ANK2: variants seen among roughly 807,000 people sequenced by gnomAD.
ANK2 encodes the protein ankyrin 2.
In ANK2, 83 loss-of-function variants were observed where a neutral mutation model predicts 360.5. The observed-to-expected ratio is 0.23, with a 90% CI of 0.19 to 0.28. ANK2 has a LOEUF of 0.28. ANK2 is among the 10% of genes least tolerant of loss of function. The pLI, the probability that ANK2 is intolerant of heterozygous loss-of-function variation, is 1.00. For missense variants in ANK2, 4,201 were observed against 4,795.7 expected (o/e 0.88, Z 3.66); for synonymous variants, 1,740 against 1,759.5 (o/e 0.99, Z 0.28).
intron 1 of ANK2, chr4:112,827,645 C>A: frequency 1.3e-6 from 1 of 756,338 alleles, no homozygotes; most frequent in Non-Finnish European, 2.3e-6. Context: ...CAATTTACTG[C>A]CAAGGAAGAC....
Position 113,356,658 on chromosome 4 carries a change from C to A in ANK2, c.8040C>A (p.Gly2680=), listed in dbSNP as rs1041250378. 1.2e-6 allele frequency: 2 copies of A among 1,614,074 alleles called. No homozygotes were observed. The highest frequency in any genetic ancestry group is 1.6e-4 in the Middle Eastern group (1 of 6,062). ...AGCTTAAAAAAGGTGCTGACTCAGG[C>A]CTTTTACCAGAACCAGTGATTCGAG... ...LAQLKKGADS[G]LLPEPVIRVQ... Residue 2680 remains glycine (G), a synonymous_variant, in exon 38 of 46, where the codon GGC becomes GGA. Transcript: ENST00000357077.
In ANK2 at chr4:113,354,362, C is replaced by T. The variant is rs1717005319; in HGVS notation, c.5744C>T (p.Pro1915Leu). ...TCAGGCAAAACAGACAAACGTCCAC[C>T]TGTATCGCCCTCCGGGAGGACAGAA... Reference protein sequence around the residue: ...SPSGKTDKRPPVSPSGRTEKH... With the variant: ...SPSGKTDKRPLVSPSGRTEKH... Residue 1915 changes from proline (P) to leucine (L), a missense_variant, in exon 38 of 46, where the codon CCT (proline) becomes CTT (leucine). By Grantham distance (98) the Pro-to-Leu change is moderately conservative. Transcript: ENST00000357077. The T allele has an allele frequency of 3.7e-6, 6 of 1,613,980 alleles. No individual in the cohort carries two copies. Among genetic ancestry groups the T allele is most frequent in the Admixed American group, 3.3e-5 (2 of 60,002 alleles).
intron 4 of ANK2, among the ~76,000 whole-genome samples, chr4:113,199,603 A>G (rs945919798): frequency 6.6e-6 from 1 of 152,184 alleles, no homozygotes; most frequent in African/African-American, 2.4e-5. Flanking sequence ...GAAATTAAGA[A>G]AAAATTAAAC....
At chr4:113,002,369 A>G (rs570444390) in intron 2 of ANK2, among the ~76,000 whole-genome samples, 12 of 152,386 alleles carry the variant, frequency 7.9e-5, no homozygotes, top group African/African-American at 2.9e-4. Context: ...ACACCATGGA[A>G]TACTATGCAG....
intron 22 of ANK2, among the ~76,000 whole-genome samples, chr4:113,294,053 C>T (rs2069503127): frequency 6.6e-6 from 1 of 152,176 alleles, no homozygotes; most frequent in Admixed American, 6.5e-5. Flanking sequence ...AAGAGAATTC[C>T]TTGTGCTTTC....
intron 2 of ANK2, among the ~76,000 whole-genome samples, chr4:112,928,917 A>G (rs1159995452): frequency 6.7e-6 from 1 of 149,574 alleles, no homozygotes; most frequent in African/African-American, 2.5e-5. Flanking sequence ...CAGTGGTGTG[A>G]TCTCAGCTCA....
chr4:112,922,361 T>G (rs2151192711), intron 2 of ANK2, among the ~76,000 whole-genome samples: 1 of 152,314 alleles, frequency 6.6e-6, no homozygotes, highest in East Asian at 1.9e-4. Flanking sequence ...CTGGGTTTTT[T>G]TACTATCCAC....
At chr4:113,218,551 G>C (rs1274066682) in intron 4 of ANK2, among the ~76,000 whole-genome samples, 3 of 151,910 alleles carry the variant, frequency 2.0e-5, no homozygotes, top group Non-Finnish European at 4.4e-5. Flanking sequence ...GATAAAAAGT[G>C]CTATACTGCT....
In ANK2 at chr4:113,339,269, G is replaced by C. The variant is rs369917208; in HGVS notation, c.3840G>C (p.Thr1280=). 1.2e-6 allele frequency: 2 copies of C among 1,613,694 alleles called. No homozygotes were observed. Among genetic ancestry groups the C allele is most frequent in the Non-Finnish European group, 1.7e-6 (2 of 1,179,970 alleles). The stretch of plus-strand genomic sequence containing the variant: ...AGTGGGAAGATATTACAGGAACTAC[G>C]CCATTAACATTTGTCAATGAATGTG... ...PAQWEDITGT[T]PLTFVNECVS... The change falls in exon 32 of 46, where the codon ACG becomes ACC. Residue 1280 remains threonine, a synonymous_variant. Transcript: ENST00000357077.
chr4:113,333,783 G>T (rs1039350127), intron 29 of ANK2, among the ~76,000 whole-genome samples: 2 of 152,118 alleles, frequency 1.3e-5, no homozygotes, highest in African/African-American at 4.8e-5. Flanking sequence ...GTTAGCCAGG[G>T]TTGAATTGCA....
intron 4 of ANK2, among the ~76,000 whole-genome samples, chr4:113,208,684 G>A (rs1329232073): frequency 6.6e-6 from 1 of 151,686 alleles, no homozygotes; most frequent in African/African-American, 2.4e-5. Flanking sequence ...TAAATGTTTT[G>A]TAGAGACAGG....
At chr4:113,162,866 CTTT>C (rs1215237296) in intron 1 of ANK2, among the ~76,000 whole-genome samples, 1 of 151,012 alleles carries the variant, frequency 6.6e-6, no homozygotes, top group African/African-American at 2.4e-5. Flanking sequence ...AAAAATATTT[CTTT>C]GATTCTCATC....
chr4:113,330,726 C>T (rs1452590263), intron 27 of ANK2, among the ~76,000 whole-genome samples: 1 of 152,152 alleles, frequency 6.6e-6, no homozygotes, highest in Non-Finnish European at 1.5e-5. Flanking sequence ...AGCTGCCAGA[C>T]CCCCAATGTG....
intron 4 of ANK2, among the ~76,000 whole-genome samples, chr4:113,219,974 G>T (rs1003984896): frequency 6.6e-6 from 1 of 152,036 alleles, no homozygotes; most frequent in African/African-American, 2.4e-5. Context: ...AATGTAAATG[G>T]GTATAATGAG....
intron 1 of ANK2, among the ~76,000 whole-genome samples, chr4:112,857,055 G>GA (rs2066615141): frequency 6.6e-6 from 1 of 151,938 alleles, no homozygotes; most frequent in Admixed American, 6.6e-5. Context: ...CAAGAGTGGG[G>GA]GATTCTTTCT....
At chr4:113,339,037 C>A (rs898979591) in intron 31 of ANK2, among the ~76,000 whole-genome samples, 189 bp from the exon 32 acceptor site, 8 of 152,098 alleles carry the variant, frequency 5.3e-5, no homozygotes, top group African/African-American at 1.9e-4. Context: ...AACTTAGTTT[C>A]TTGAGTGGTA....
At chr4:112,947,409 C>T (rs1055152787) in intron 2 of ANK2, among the ~76,000 whole-genome samples, 1 of 152,134 alleles carries the variant, frequency 6.6e-6, no homozygotes, top group Non-Finnish European at 1.5e-5. Context: ...GCGAAGCATG[C>T]AGGCATCTGG....
At chr4:113,149,172 G>C (rs2096943141) in intron 1 of ANK2, 1 of 152,228 alleles carries the variant, frequency 6.6e-6, no homozygotes, top group African/African-American at 2.4e-5. Flanking sequence ...AGTGAACAAG[G>C]ATGGAGGATT....
chr4:113,370,819 C>T (rs1041344504), intron 43 of ANK2, among the ~76,000 whole-genome samples: 2 of 152,122 alleles, frequency 1.3e-5, no homozygotes, highest in African/African-American at 2.4e-5. Context: ...ATATAGTTCA[C>T]ATACGTCAGA....
Sources: gnomAD v4.1 joint callset for allele counts (sites outside exome capture counted in the v4.1 genomes callset) on GRCh38, gnomAD v4.1.1 for gene constraint, MANE v1.5 for transcripts, NCBI Gene and HGNC (gene_info 2026-07-23, HGNC 2026-07-21) for gene names.